MYO16: variants seen among roughly 807,000 people sequenced by gnomAD.
The protein encoded by MYO16 is myosin XVI, also known as unconventional myosin-XVI.
In MYO16, 94 loss-of-function variants were observed where a neutral mutation model predicts 205.3. The ratio of observed to expected loss-of-function variants is 0.46; its 90% CI spans 0.39 to 0.54. MYO16 has a LOEUF of 0.54. Ranked by LOEUF, MYO16 falls within the 20% of genes least tolerant of loss-of-function variation. The pLI is 0.00. For missense variants in MYO16, 2,315 were observed against 2,387.5 expected (o/e 0.97, Z 0.63); for synonymous variants, 988 against 954.0 (o/e 1.04, Z -0.66).
At chr13:108,495,741 G>A in the MYO16 span, among the ~76,000 whole-genome samples, 1 of 150,888 alleles carries the variant, frequency 6.6e-6, no homozygotes, top group East Asian at 2.0e-4. Context: ...GAGAGCCGCC[G>A]CCGAGCGGGT....
chr13:108,988,248 G>A (rs1884703991), intron 20 of MYO16, among the ~76,000 whole-genome samples: 1 of 152,102 alleles, frequency 6.6e-6, no homozygotes, highest in Non-Finnish European at 1.5e-5. Context: ...CGTAGTATGG[G>A]CGTTTTGCTG....
intron 31 of MYO16, among the ~76,000 whole-genome samples, chr13:109,128,404 G>A (rs1267119388): frequency 6.6e-6 from 1 of 152,194 alleles, no homozygotes; most frequent in Non-Finnish European, 1.5e-5. Flanking sequence ...AAACGGCTGG[G>A]TAGAACTCGC....
chr13:108,498,985 G>A, the MYO16 span, among the ~76,000 whole-genome samples: 1 of 152,104 alleles, frequency 6.6e-6, no homozygotes, highest in African/African-American at 2.4e-5. Flanking sequence ...GATACATGTG[G>A]GTGATTAGCA....
Position 108,717,629 on chromosome 13 carries a change from CAAAAAAAA to C in MYO16, c.363+4912_363+4919del, listed in dbSNP as rs59387181. On this transcript the variant is annotated intron_variant, in intron 3 of 34. Transcript: ENST00000457511. Reference sequence around the variant, plus strand: ...TGGGTGACAGAGCAAGACTCCATCTCAAAAAAAAAAAAAAAAAAAAATTGAGCCATAAT... The same window carrying C: ...TGGGTGACAGAGCAAGACTCCATCTCAAAAAAAAAAAAATTGAGCCATAAT... Among the ~76,000 whole-genome samples the C allele has an allele frequency of 2.0e-4, 19 of 96,408 alleles. 1 individual carries two copies. The highest frequency in any genetic ancestry group is 7.4e-4 in the African/African-American group (18 of 24,364). The allele number at this position is 96,408 out of a possible 152,430, so 63.2% of individuals were successfully genotyped here.
chr13:108,918,313 C>T (rs1331208263), intron 16 of MYO16, among the ~76,000 whole-genome samples: 1 of 152,196 alleles, frequency 6.6e-6, no homozygotes, highest in Non-Finnish European at 1.5e-5. Flanking sequence ...CATAAATAAA[C>T]GTGTGCACAC....
intron 23 of MYO16, among the ~76,000 whole-genome samples, chr13:109,043,180 C>T (rs993913857): frequency 6.6e-6 from 1 of 152,148 alleles, no homozygotes; most frequent in Admixed American, 6.5e-5. Flanking sequence ...ACTTGCTATC[C>T]ATTTCACTAA....
chr13:108,997,768 G>A (rs909114633), intron 21 of MYO16, among the ~76,000 whole-genome samples: 2 of 152,158 alleles, frequency 1.3e-5, no homozygotes, highest in African/African-American at 4.8e-5. Flanking sequence ...AAACCAGAAG[G>A]CGGAGGTTGC....
chr13:108,886,649 C>G (rs1269322012), intron 13 of MYO16, among the ~76,000 whole-genome samples: 4 of 152,014 alleles, frequency 2.6e-5, no homozygotes, highest in Non-Finnish European at 5.9e-5. Flanking sequence ...TGATTGATTT[C>G]CCTTGCTGCA....
intron 27 of MYO16, among the ~76,000 whole-genome samples, chr13:109,068,277 T>G (rs1887816729): frequency 6.6e-6 from 1 of 152,210 alleles, no homozygotes; most frequent in South Asian, 2.1e-4. Context: ...TTCACAAGTT[T>G]TCTTCCCTAG....
chr13:108,765,273 A>T (rs1885741431), intron 4 of MYO16, among the ~76,000 whole-genome samples: 1 of 151,738 alleles, frequency 6.6e-6, no homozygotes, highest in South Asian at 2.1e-4. Context: ...ATTGTTAATT[A>T]ATAATTTTTC....
At chr13:108,834,715 T>G (rs1876812513) in intron 9 of MYO16, among the ~76,000 whole-genome samples, 1 of 152,050 alleles carries the variant, frequency 6.6e-6, no homozygotes, top group Admixed American at 6.6e-5. Flanking sequence ...CATCCTATTT[T>G]AAAACATAAT....
chr13:108,849,127 T>TCAC (rs1476918204), intron 10 of MYO16, among the ~76,000 whole-genome samples: 1 of 152,202 alleles, frequency 6.6e-6, no homozygotes, highest in Non-Finnish European at 1.5e-5. Context: ...TGTCACATGA[T>TCAC]CACCCTTTCC....
At chr13:108,507,955 G>C in the MYO16 span, among the ~76,000 whole-genome samples, 1 of 151,368 alleles carries the variant, frequency 6.6e-6, no homozygotes, top group Non-Finnish European at 1.5e-5. Context: ...TTTCAGCTCA[G>C]TTATTATATA....
chr13:109,119,240 G>A (rs527961564), intron 28 of MYO16, among the ~76,000 whole-genome samples: 11 of 152,262 alleles, frequency 7.2e-5, no homozygotes, highest in Non-Finnish European at 8.8e-5. Flanking sequence ...ACGTGCCAGC[G>A]TCTGGTGGTA....
intron 34 of MYO16, among the ~76,000 whole-genome samples, chr13:109,200,542 T>C (rs1040677394): frequency 2.6e-5 from 4 of 152,214 alleles, no homozygotes; most frequent in Admixed American, 6.5e-5. Context: ...GAAAGGGCTT[T>C]CAAAGGGTTT....
At chr13:108,928,804 A>G (rs956130920) in intron 16 of MYO16, among the ~76,000 whole-genome samples, 1 of 152,238 alleles carries the variant, frequency 6.6e-6, no homozygotes, top group Non-Finnish European at 1.5e-5. Context: ...TGATAGCTTC[A>G]TACCAAAATC....
intron 24 of MYO16, among the ~76,000 whole-genome samples, chr13:109,049,925 CCTGTGTGTGTGTGTGTGT>C (rs1887187655): frequency 8.8e-6 from 1 of 113,334 alleles, no homozygotes; most frequent in Non-Finnish European, 1.9e-5. Context: ...CTTCCTTTGT[CCTGTGTGTGTGTGTGTGT>C]GTGTGTGTGT....
At chr13:109,179,296 T>C (rs1879353058) in intron 33 of MYO16, among the ~76,000 whole-genome samples, 1 of 152,242 alleles carries the variant, frequency 6.6e-6, no homozygotes, top group African/African-American at 2.4e-5. Flanking sequence ...TGTGCTATTA[T>C]CACATATCTC....
intron 3 of MYO16, among the ~76,000 whole-genome samples, chr13:108,714,573 C>T (rs1883859048): frequency 1.4e-5 from 2 of 146,580 alleles, no homozygotes; most frequent in African/African-American, 5.0e-5. Context: ...GAGACTGTCA[C>T]TTCTTCACGT....
Sources: gnomAD v4.1 joint callset for allele counts (sites outside exome capture counted in the v4.1 genomes callset) on GRCh38, gnomAD v4.1.1 for gene constraint, MANE v1.5 for transcripts, NCBI Gene and HGNC (gene_info 2026-07-23, HGNC 2026-07-21) for gene names.